The following SNRPD3 variants were observed in gnomAD, a reference collection of about 807,000 sequenced individuals.
SNRPD3 encodes the protein small nuclear ribonucleoprotein D3 polypeptide, also known as small nuclear ribonucleoprotein Sm D3.
For synonymous variants in SNRPD3, 66 were observed against 58.4 expected, an observed-to-expected ratio of 1.13 and a Z score of -0.59; for missense variants, 73 against 167.5, an observed-to-expected ratio of 0.44 and a Z score of 3.11.
chr22:24,558,055 A>C, intron 2 of SNRPD3: 1 of 294,060 alleles, frequency 3.4e-6, no homozygotes, highest in Non-Finnish European at 6.3e-6. Context: ...CCATCCCCAA[A>C]TATGGGGGTC....
rs1449436461 is a variant in SNRPD3, at chr22:24,568,313, C to A, written c.319+137C>A. ...ACCCACCACCCACTGCCACCCCTTCCCCTTGCAGCGTGGAGTGATCCTGTG... is the reference window on the plus strand; with the variant it reads ...ACCCACCACCCACTGCCACCCCTTCACCTTGCAGCGTGGAGTGATCCTGTG... On this transcript the variant is annotated intron_variant, in intron 3 of 3. Coordinates refer to ENST00000215829, the MANE Select transcript of SNRPD3 (RefSeq NM_004175.5). 26 of 619,940 alleles carry A rather than the reference C, an allele frequency of 4.2e-5. No homozygotes were observed. The Admixed American group carries it at 6.1e-4, about 15-fold the overall frequency. 38.4% of individuals were successfully genotyped at this position (619,940 alleles called of 1,614,324 possible).
chr22:24,568,329 T>G (rs1361851216), intron 3 of SNRPD3, among the ~76,000 whole-genome samples, 153 bp downstream of exon 3: 1 of 151,916 alleles, frequency 6.6e-6, no homozygotes, highest in Non-Finnish European at 1.5e-5. Flanking sequence ...CAGCGTGGAG[T>G]GATCCTGTGA....
rs1193178838 is a variant in SNRPD3 at position 24,572,599 on chromosome 22, AAAAAT to A, written c.*627_*631del. On this transcript the variant is annotated 3_prime_UTR_variant, in exon 4 of 4. Coordinates refer to ENST00000215829, the MANE Select transcript of SNRPD3 (RefSeq NM_004175.5). ...AATATGGTGAAACCTCGTGTGTACTAAAAATAAAAAAATTAGCCGGGTGCGGTGGC... is the reference window on the plus strand; with the variant it reads ...AATATGGTGAAACCTCGTGTGTACTAAAAAAAATTAGCCGGGTGCGGTGGC... 1 of 166,536 alleles carries A rather than the reference AAAAAT, an allele frequency of 6.0e-6. No homozygotes were observed. The highest frequency in any genetic ancestry group is 1.7e-4 in the East Asian group (1 of 5,766). 10.3% of individuals were successfully genotyped at this position (166,536 alleles called of 1,614,324 possible).
chr22:24,567,539 G>C (rs919463107), intron 2 of SNRPD3, among the ~76,000 whole-genome samples: 1 of 152,292 alleles, frequency 6.6e-6, no homozygotes, highest in African/African-American at 2.4e-5. Context: ...CTGAGGTCAG[G>C]AGTTCGAGAC....
intron 2 of SNRPD3, among the ~76,000 whole-genome samples, chr22:24,562,504 A>C (rs979631325): frequency 6.6e-6 from 1 of 152,238 alleles, no homozygotes; most frequent in Non-Finnish European, 1.5e-5. Context: ...AGATCGCGCC[A>C]CTGCACTCCA....
intron 2 of SNRPD3, among the ~76,000 whole-genome samples, chr22:24,563,981 C>T (rs1180053273): frequency 8.0e-6 from 1 of 124,944 alleles, no homozygotes; most frequent in Non-Finnish European, 1.8e-5. Context: ...ACCTAGCCCT[C>T]TAGGTTGAAG....
At position 24,574,146 on chromosome 22, in the gene SNRPD3, C is replaced by T. The variant is rs2045270465; in HGVS notation, c.*2169C>T. ...AAACAGTACTTACTTTGAATAATAA[C>T]ACATTACACTTAATAGTAGTGAACT... On this transcript the variant is annotated 3_prime_UTR_variant, in exon 4 of 4. Transcript: ENST00000215829. Among the ~76,000 whole-genome samples, 1 of 152,140 alleles carries T rather than the reference C, an allele frequency of 6.6e-6. No individual in the cohort carries two copies. Among genetic ancestry groups the T allele is most frequent in the Non-Finnish European group, 1.5e-5 (1 of 68,026 alleles).
At chr22:24,560,428 CTTTTTTTTTTTTTTTTTTTTTTTTTTTTT>C (rs60835175) in intron 2 of SNRPD3, among the ~76,000 whole-genome samples, 3 of 49,074 alleles carry the variant, frequency 6.1e-5, no homozygotes, top group Middle Eastern at 0.018. Context: ...AGCTTGCTTG[CTTTTTTTTTTTTTTTTTTTTTTTTTTTTT>C]TTTTTTTTTG....
At chr22:24,567,961 A>G (rs1420888948) in intron 2 of SNRPD3, 23 bp from the exon 3 acceptor site, 3 of 1,578,822 alleles carry the variant, frequency 1.9e-6, no homozygotes, top group South Asian at 1.1e-5. Flanking sequence ...CCGTTAACTT[A>G]TTAGCTGGTG....
At chr22:24,563,307 T>TATATA (rs200553209) in intron 2 of SNRPD3, among the ~76,000 whole-genome samples, 3 of 59,680 alleles carry the variant, frequency 5.0e-5, no homozygotes, top group Admixed American at 2.5e-4. Flanking sequence ...TATATATATA[T>TATATA]TTTTTTTTTT....
chr22:24,571,242 A>C (rs991272494), intron 3 of SNRPD3, among the ~76,000 whole-genome samples: 1 of 152,176 alleles, frequency 6.6e-6, no homozygotes, highest in African/African-American at 2.4e-5. Context: ...GTGCATCTAT[A>C]ATGTTTTTCA....
chr22:24,561,562 G>A lies in SNRPD3; in HGVS notation c.126+3762G>A, dbSNP rs530527902. 9.8e-5 allele frequency among the ~76,000 whole-genome samples: 15 copies of A among 152,344 alleles called. No homozygotes were observed. The East Asian group carries it at 1.9e-3, about 20-fold the overall frequency. The stretch of plus-strand genomic sequence containing the variant: ...GTGGCGTAGCTAAAGCTGGTGGTGG[G>A]TGAACTCTGAGCACAGTTTAGTTTG... On this transcript the variant is annotated intron_variant, in intron 2 of 3. Transcript: ENST00000215829.
chr22:24,563,420 C>T (rs1472702736), intron 2 of SNRPD3, among the ~76,000 whole-genome samples: 1 of 151,804 alleles, frequency 6.6e-6, no homozygotes, highest in Non-Finnish European at 1.5e-5. Flanking sequence ...GCTGGGAAGG[C>T]AGGGAGCTTT....
intron 2 of SNRPD3, 40 bp from the exon 3 acceptor site, chr22:24,567,944 C>T: frequency 6.6e-7 from 1 of 1,510,862 alleles, no homozygotes; most frequent in South Asian, 1.2e-5. Flanking sequence ...ACCGCTGGTG[C>T]TGTTGACCGT....
At position 24,574,393 on chromosome 22, in the gene SNRPD3, A is replaced by T. The variant is rs1343633769; in HGVS notation, c.*2416A>T. Among the ~76,000 whole-genome samples, 1 of 152,216 alleles carries T rather than the reference A, an allele frequency of 6.6e-6. No individual in the cohort carries two copies. The highest frequency in any genetic ancestry group is 2.4e-5 in the African/African-American group (1 of 41,466). On this transcript the variant is annotated 3_prime_UTR_variant, in exon 4 of 4. Coordinates refer to ENST00000215829, the MANE Select transcript of SNRPD3 (RefSeq NM_004175.5). The stretch of plus-strand genomic sequence containing the variant: ...ACGCAGATTGAAAACAAGTTGTTCC[A>T]TAAGGTTTATTATGAAAAACAGTAG...
In SNRPD3 at chr22:24,573,760, A is replaced by G. The variant is rs951071378; in HGVS notation, c.*1783A>G. The stretch of plus-strand genomic sequence containing the variant: ...GTAGCTGGGCACAGCTGATGCCTGC[A>G]GTCCCAGCTATCCTGGAGGTTGAGG... On this transcript the variant is annotated 3_prime_UTR_variant, in exon 4 of 4. Coordinates refer to ENST00000215829, the MANE Select transcript of SNRPD3 (RefSeq NM_004175.5). Among the ~76,000 whole-genome samples the G allele has an allele frequency of 4.5e-4, 69 of 152,228 alleles. No individual in the cohort carries two copies. The highest frequency in any genetic ancestry group is 1.6e-3 in the African/African-American group (67 of 41,446).
rs1455331810 is a variant in SNRPD3 at position 24,573,351 on chromosome 22, T to G, written c.*1374T>G. The stretch of plus-strand genomic sequence containing the variant: ...ATTCATTATGGTATGAGCTACAGCA[T>G]AAGCCATCAAGAGGAAAACTGATCA... On this transcript the variant is annotated 3_prime_UTR_variant, in exon 4 of 4. Coordinates refer to ENST00000215829, the MANE Select transcript of SNRPD3 (RefSeq NM_004175.5). 6.6e-6 allele frequency among the ~76,000 whole-genome samples: 1 copy of G among 152,220 alleles called. No homozygotes were observed. Among genetic ancestry groups the G allele is most frequent in the Non-Finnish European group, 1.5e-5 (1 of 68,040 alleles).
intron 2 of SNRPD3, among the ~76,000 whole-genome samples, chr22:24,562,254 A>G (rs1231202997): frequency 6.6e-6 from 1 of 152,140 alleles, no homozygotes; most frequent in Non-Finnish European, 1.5e-5. Flanking sequence ...AATTATCTGG[A>G]TGTGGGGCTG....
intron 2 of SNRPD3, among the ~76,000 whole-genome samples, chr22:24,567,398 T>C (rs552370338): frequency 5.3e-5 from 8 of 152,238 alleles, no homozygotes; most frequent in African/African-American, 1.9e-4. Flanking sequence ...TGGAGTTCCC[T>C]GCATTCCAGC....
Sources: allele counts gnomAD v4.1 joint callset (sites outside exome capture counted in the v4.1 genomes callset), GRCh38; gene constraint gnomAD v4.1.1; transcripts MANE v1.5; gene names NCBI Gene and HGNC (gene_info 2026-07-23, HGNC 2026-07-21).